The following NECTIN1 variants were observed in gnomAD, a reference collection of about 807,000 sequenced individuals.
NECTIN1 encodes nectin cell adhesion molecule 1.
NECTIN1 carries 23 observed loss-of-function variants against 48.0 expected under a neutral mutation model. That is an observed-to-expected ratio of 0.48 (90% confidence interval 0.34 to 0.68). The LOEUF is 0.68. Ranked by LOEUF, NECTIN1 falls within the 30% of genes least tolerant of loss-of-function variation. The pLI, the probability that NECTIN1 is intolerant of heterozygous loss-of-function variation, is 0.01. For synonymous variants in NECTIN1, 270 were observed against 288.9 expected, an observed-to-expected ratio of 0.93 and a Z score of 0.66; for missense variants, 591 against 709.9, an observed-to-expected ratio of 0.83 and a Z score of 1.90.
At chr11:119,655,038 T>C (rs577346285) in intron 5 of NECTIN1, among the ~76,000 whole-genome samples, 4 of 152,068 alleles carry the variant, frequency 2.6e-5, no homozygotes, top group African/African-American at 9.6e-5. Flanking sequence ...GCCTCCTGAG[T>C]AGCTGGGATT....
Position 119,684,668 on chromosome 11 carries a change from G to A in NECTIN1, c.80-5903C>T, listed in dbSNP as rs1378131355. Among the ~76,000 whole-genome samples the A allele has an allele frequency of 4.6e-5, 7 of 152,072 alleles. No individual in the cohort carries two copies. The highest frequency in any genetic ancestry group is 1.7e-4 in the African/African-American group (7 of 41,408). On this transcript the variant is annotated intron_variant, in intron 1 of 5. Coordinates refer to ENST00000264025, the MANE Select transcript of NECTIN1 (RefSeq NM_002855.5). This position sits in a 1 kb window ranked among gnomAD's most constrained non-coding sequence, Gnocchi z 5.2. ...TAGGCCCCCTCCTCCCAGTGCAGCC[G>A]CTTCCCTGATTGTCAACTCCCAGGG...
intron 6 of NECTIN1, chr11:119,638,912 G>A (rs1040635507): frequency 9.5e-6 from 10 of 1,054,700 alleles, no homozygotes; most frequent in Non-Finnish European, 1.3e-5. Flanking sequence ...ACAAGAGCAG[G>A]CCCGGGAGCT....
chr11:119,697,763 C>T (rs1865367041), intron 1 of NECTIN1, among the ~76,000 whole-genome samples: 1 of 152,256 alleles, frequency 6.6e-6, no homozygotes, highest in African/African-American at 2.4e-5. Context: ...CAGACTGACA[C>T]TGCCCCTTGG....
intron 1 of NECTIN1, among the ~76,000 whole-genome samples, chr11:119,721,497 A>T (rs1054079550): frequency 1.3e-5 from 2 of 152,196 alleles, no homozygotes; most frequent in Non-Finnish European, 2.9e-5. Context: ...CAGCCAGTGG[A>T]ACTAATGTCC....
At position 119,661,460 on chromosome 11, in the gene NECTIN1, C is replaced by T; in HGVS notation, c.*3287G>A. The T allele has an allele frequency of 1.0e-6, 1 of 985,936 alleles. No homozygotes were observed. The highest frequency in any genetic ancestry group is 1.2e-6 in the Non-Finnish European group (1 of 830,010). The allele number at this position is 985,936 out of a possible 1,614,324, so 61.1% of individuals were successfully genotyped here. A position where few individuals can be genotyped will look rare whatever the true frequency, so the allele number is the denominator to read the frequency against. On this transcript the variant is annotated 3_prime_UTR_variant, in exon 6 of 6. Transcript: ENST00000264025. ...GGACCTGGGGCACACCCACCTGCCC[C>T]TCACTAGGAGAGGGTTTCTGTTGGC...
rs766171336 is a variant in NECTIN1, at chr11:119,661,167, C to T, written c.*3580G>A. ...AAAGGCGGAAAGGGCGACAAGACGC[C>T]GAAGCAAGGTAGCGCATCACGCTGG... On this transcript the variant is annotated 3_prime_UTR_variant, in exon 6 of 6. Coordinates refer to ENST00000264025, the MANE Select transcript of NECTIN1 (RefSeq NM_002855.5). The T allele has an allele frequency of 3.7e-5, 36 of 985,780 alleles. No homozygotes were observed. Among genetic ancestry groups the T allele is most frequent in the Middle Eastern group, 5.2e-4 (1 of 1,914 alleles). 61.1% of individuals were successfully genotyped at this position (985,780 alleles called of 1,614,324 possible). A position where few individuals can be genotyped will look rare whatever the true frequency, so the allele number is the denominator to read the frequency against.
rs753939503 is a variant in NECTIN1, at chr11:119,665,028, C to G, written c.1273G>C (p.Glu425Gln). 1 of 1,613,838 alleles carries G rather than the reference C, an allele frequency of 6.2e-7. No homozygotes were observed. Among genetic ancestry groups the G allele is most frequent in the East Asian group, 2.2e-5 (1 of 44,872 alleles). Residue 425 changes from glutamate (E) to glutamine (Q), a missense_variant, in exon 6 of 6, where the codon GAG becomes CAG. By Grantham distance (29) the Glu-to-Gln change is conservative. Transcript: ENST00000264025. The surrounding 1 kb of genome is among the most constrained non-coding windows in gnomAD (Gnocchi z 5.1). ...NLQYPDDSDD[E>Q]KKAGPLGGSS... is the part of the protein sequence containing the mutation. ...CCACCCAGTGGGCCGGCCTTCTTCT[C>G]GTCGTCTGAGTCGTCGGGGTACTGC...
chr11:119,714,128 G>A (rs919598429), intron 1 of NECTIN1, among the ~76,000 whole-genome samples: 1 of 152,288 alleles, frequency 6.6e-6, no homozygotes, highest in African/African-American at 2.4e-5. Flanking sequence ...CACCAAAGAA[G>A]CAAAGAGGCA....
At chr11:119,690,388 G>C (rs377597991) in intron 1 of NECTIN1, among the ~76,000 whole-genome samples, 49 of 152,260 alleles carry the variant, frequency 3.2e-4, no homozygotes, top group African/African-American at 1.1e-3. Flanking sequence ...TCTGCTCCTG[G>C]ATCACAGACC....
intron 1 of NECTIN1, among the ~76,000 whole-genome samples, chr11:119,707,744 G>T (rs1865573004): frequency 1.3e-5 from 2 of 152,174 alleles, no homozygotes; most frequent in South Asian, 4.1e-4. Context: ...TATTTTGGGG[G>T]TACATGAGCT....
intron 5 of NECTIN1, among the ~76,000 whole-genome samples, chr11:119,649,428 C>G (rs1323876769): frequency 6.6e-6 from 1 of 151,380 alleles, no homozygotes; most frequent in Non-Finnish European, 1.5e-5. Flanking sequence ...TGGCTCACGC[C>G]TGTAATCCTA....
rs58590467 is a variant in NECTIN1 at position 119,647,161 on chromosome 11, A to ATGTGTGTGTGTGTGTGTGTG, written c.1004-7169_1004-7150dup. 2.7e-4 allele frequency among the ~76,000 whole-genome samples: 23 copies of ATGTGTGTGTGTGTGTGTGTG among 84,776 alleles called. 2 individuals are homozygous for ATGTGTGTGTGTGTGTGTGTG. Among genetic ancestry groups the ATGTGTGTGTGTGTGTGTGTG allele is most frequent in the South Asian group, 9.3e-4 (2 of 2,150 alleles). The allele number at this position is 84,776 out of a possible 152,430, so 55.6% of individuals were successfully genotyped here. A position where few individuals can be genotyped will look rare whatever the true frequency, so the allele number is the denominator to read the frequency against. ...GATGAGGGGCCAGAGCTTGCGGCGC[A>ATGTGTGTGTGTGTGTGTGTG]TGTGTGTGTGTGTGTGTGTGTGTGT... On this transcript the variant is annotated intron_variant, in intron 5 of 7. Coordinates refer to the NECTIN1 transcript ENST00000341398.
intron 5 of NECTIN1, among the ~76,000 whole-genome samples, chr11:119,668,727 A>G (rs1864818364): frequency 6.6e-6 from 1 of 152,248 alleles, no homozygotes; most frequent in African/African-American, 2.4e-5. Flanking sequence ...CATTAATCAC[A>G]TACTGACATA....
rs557113752 is a variant in NECTIN1 at position 119,684,081 on chromosome 11, G to T, written c.80-5316C>A. ...CCAGTGCCACAGGTTCCCACGCAGCGGGGTGTGGCACACTTCGCTCCCCAC... is the reference window on the plus strand; with the variant it reads ...CCAGTGCCACAGGTTCCCACGCAGCTGGGTGTGGCACACTTCGCTCCCCAC... On this transcript the variant is annotated intron_variant, in intron 1 of 5. Coordinates refer to ENST00000264025, the MANE Select transcript of NECTIN1 (RefSeq NM_002855.5). The surrounding 1 kb of genome is among the most constrained non-coding windows in gnomAD (Gnocchi z 5.2). Among the ~76,000 whole-genome samples the T allele has an allele frequency of 2.0e-5, 3 of 152,334 alleles. No homozygotes were observed. Among genetic ancestry groups the T allele is most frequent in the East Asian group, 3.9e-4 (2 of 5,180 alleles).
intron 5 of NECTIN1, chr11:119,641,427 G>T (rs1008481878): frequency 1.3e-5 from 2 of 152,200 alleles, no homozygotes; most frequent in African/African-American, 4.8e-5. Flanking sequence ...TTATCAAAGC[G>T]TTAAGGGCTG....
chr11:119,640,170 C>T (rs1215184605), intron 5 of NECTIN1: 1 of 788,416 alleles, frequency 1.3e-6, no homozygotes, highest in Non-Finnish European at 2.1e-6. Flanking sequence ...AGGAGGGGCT[C>T]CCAGCCGGTG....
intron 1 of NECTIN1, among the ~76,000 whole-genome samples, chr11:119,716,008 C>T (rs1206041591): frequency 6.6e-6 from 1 of 152,230 alleles, no homozygotes; most frequent in Non-Finnish European, 1.5e-5. Context: ...TCCCACAACA[C>T]ATCCAGGGCA....
chr11:119,668,342 C>T (rs1196036100), intron 5 of NECTIN1, among the ~76,000 whole-genome samples: 3 of 152,216 alleles, frequency 2.0e-5, no homozygotes, highest in African/African-American at 4.8e-5. Flanking sequence ...CCCGCAGTCA[C>T]CAGGTTAATC....
intron 1 of NECTIN1, among the ~76,000 whole-genome samples, chr11:119,700,333 T>G (rs1865429413): frequency 6.6e-6 from 1 of 152,214 alleles, no homozygotes; most frequent in Non-Finnish European, 1.5e-5. Flanking sequence ...ATTTGTCAAG[T>G]GCGGACACCT....
Sources: gnomAD v4.1 joint callset for allele counts (sites outside exome capture counted in the v4.1 genomes callset) on GRCh38, gnomAD v4.1.1 for gene constraint, Gnocchi (gnomAD v3.1) non-coding constraint, MANE v1.5 for transcripts, NCBI Gene and HGNC (gene_info 2026-07-23, HGNC 2026-07-21) for gene names.